The following NRG1 variants were observed in gnomAD, a reference collection of about 807,000 sequenced individuals.
NRG1 encodes the protein pro-neuregulin-1, membrane-bound isoform.
In NRG1, 18 loss-of-function variants were observed where a neutral mutation model predicts 63.8. The ratio of observed to expected loss-of-function variants is 0.28; its 90% confidence interval spans 0.19 to 0.42. NRG1 has a LOEUF of 0.42. NRG1 is among the 10% of genes least tolerant of loss of function. The pLI, the probability that NRG1 is intolerant of heterozygous loss-of-function variation, is 1.00. For synonymous variants in NRG1, 302 were observed against 301.3 expected (o/e 1.00, Z -0.02); for missense variants, 762 against 814.7 (o/e 0.94, Z 0.79).
rs191409181 is a variant in NRG1, at chr8:31,949,231, A to T, written c.37+309800A>T. On this transcript the variant is annotated intron_variant, in intron 1 of 10. Transcript: ENST00000519301. The stretch of plus-strand genomic sequence containing the variant: ...TTAGGTCTTATTATACCTATTTTGC[A>T]GATGAAGAAACTGTGACTTAGATGC... 1.1e-4 allele frequency among the ~76,000 whole-genome samples: 17 copies of T among 152,334 alleles called. No individual in the cohort carries two copies. In the East Asian group the frequency reaches 3.3e-3, roughly 29 times the overall value.
chr8:31,720,395 C>T (rs1233700548), intron 1 of NRG1, among the ~76,000 whole-genome samples: 2 of 152,138 alleles, frequency 1.3e-5, no homozygotes, highest in Non-Finnish European at 2.9e-5. Context: ...ACATGTGTCA[C>T]GGTAGATTGC....
At chr8:31,891,232 A>G (rs1367230227) in intron 1 of NRG1, among the ~76,000 whole-genome samples, 1 of 152,180 alleles carries the variant, frequency 6.6e-6, no homozygotes, top group South Asian at 2.1e-4. Flanking sequence ...ATTGGGAGAA[A>G]ATGTTTACAA....
At chr8:32,119,460 C>T (rs1248955649) in intron 1 of NRG1, among the ~76,000 whole-genome samples, 3 of 152,100 alleles carry the variant, frequency 2.0e-5, no homozygotes, top group Non-Finnish European at 4.4e-5. Flanking sequence ...TAAAGGCAAT[C>T]CATCTTCTAA....
chr8:32,433,186 A>G (rs1402703192), intron 1 of NRG1, among the ~76,000 whole-genome samples: 3 of 152,178 alleles, frequency 2.0e-5, no homozygotes, highest in South Asian at 4.1e-4. Flanking sequence ...GTGTTTGAGA[A>G]CTAGGCAGCA....
At chr8:32,143,647 T>C (rs1836540260) in intron 1 of NRG1, among the ~76,000 whole-genome samples, 1 of 152,184 alleles carries the variant, frequency 6.6e-6, no homozygotes, top group Non-Finnish European at 1.5e-5. Context: ...GGTGATGAAA[T>C]GTGAGAAGCA....
chr8:32,418,361 T>G (rs1816224314), intron 1 of NRG1, among the ~76,000 whole-genome samples: 1 of 151,324 alleles, frequency 6.6e-6, no homozygotes, highest in South Asian at 2.1e-4. Flanking sequence ...AATAATATAC[T>G]CTCTTTAACT....
chr8:32,174,980 A>G (rs1436426717), intron 1 of NRG1, among the ~76,000 whole-genome samples: 8 of 152,358 alleles, frequency 5.3e-5, no homozygotes, highest in Admixed American at 4.6e-4. Flanking sequence ...AACTCATTTT[A>G]TGAGGCCAGC....
intron 1 of NRG1, among the ~76,000 whole-genome samples, chr8:31,765,585 T>C (rs934958933): frequency 3.3e-5 from 5 of 152,340 alleles, no homozygotes; most frequent in Middle Eastern, 3.4e-3. Flanking sequence ...TGTGTAGTTT[T>C]CCAAACTTGG....
At chr8:31,727,684 A>T (rs1813586338) in intron 1 of NRG1, among the ~76,000 whole-genome samples, 1 of 152,176 alleles carries the variant, frequency 6.6e-6, no homozygotes, top group South Asian at 2.1e-4. Context: ...TGAATGGGGC[A>T]ATTATTCAAG....
intron 1 of NRG1, among the ~76,000 whole-genome samples, chr8:31,985,099 T>C (rs1368076965): frequency 1.3e-5 from 2 of 152,092 alleles, no homozygotes; most frequent in Non-Finnish European, 2.9e-5. Context: ...TATTCCTGTG[T>C]CAGAGAGTGT....
chr8:32,640,120 T>C (rs1025020718), intron 5 of NRG1, among the ~76,000 whole-genome samples: 3 of 152,218 alleles, frequency 2.0e-5, no homozygotes, highest in African/African-American at 7.2e-5. Context: ...ACAGCAAAGA[T>C]ATTTGCTCAA....
intron 1 of NRG1, among the ~76,000 whole-genome samples, chr8:32,538,986 T>C (rs1422711512): frequency 3.3e-5 from 5 of 152,084 alleles, no homozygotes; most frequent in Admixed American, 3.3e-4. Context: ...TTGAGTTGGG[T>C]CTGGAAGAAT....
At chr8:32,493,649 G>A (rs1430739772) in intron 1 of NRG1, among the ~76,000 whole-genome samples, 1 of 152,166 alleles carries the variant, frequency 6.6e-6, no homozygotes, top group African/African-American at 2.4e-5. Flanking sequence ...GTACATTAAA[G>A]GAGATTGTTA....
rs7820530 is a variant in NRG1, at chr8:32,317,256, G to A, written c.38-278572G>A. The stretch of plus-strand genomic sequence containing the variant: ...TTGCTTTTGAAGCATCTCTGCTTAC[G>A]AGTCCATAGGAAATAAATTACATTT... On this transcript the variant is annotated intron_variant, in intron 1 of 10. Transcript: ENST00000519301. 4.9e-3 allele frequency among the ~76,000 whole-genome samples: 750 copies of A among 152,272 alleles called. 6 individuals are homozygous for A. The highest frequency in any genetic ancestry group is 4.9e-3 in the Non-Finnish European group (336 of 68,022).
At chr8:32,004,852 G>T (rs913829991) in intron 1 of NRG1, among the ~76,000 whole-genome samples, 1 of 151,738 alleles carries the variant, frequency 6.6e-6, no homozygotes, top group Non-Finnish European at 1.5e-5. Context: ...AGGCAAAAAT[G>T]TACTAGGATA....
At chr8:31,805,733 CAGG>C (rs1822205980) in intron 1 of NRG1, among the ~76,000 whole-genome samples, 1 of 146,114 alleles carries the variant, frequency 6.8e-6, no homozygotes, top group African/African-American at 2.5e-5. Flanking sequence ...GAGTCTGAGG[CAGG>C]AGAATGGCAT....
chr8:31,744,151 A>C (rs62506958), intron 1 of NRG1, among the ~76,000 whole-genome samples: 1 of 151,746 alleles, frequency 6.6e-6, no homozygotes, highest in African/African-American at 2.4e-5. Context: ...GCATGATGGT[A>C]TTCTGAGCCT....
intron 1 of NRG1, among the ~76,000 whole-genome samples, chr8:32,181,124 G>A (rs1841389240): frequency 6.6e-6 from 1 of 152,168 alleles, no homozygotes; most frequent in Non-Finnish European, 1.5e-5. Context: ...TTTTCAGAAA[G>A]AAGAAATGTG....
At chr8:31,867,987 C>T (rs1829113598) in intron 1 of NRG1, among the ~76,000 whole-genome samples, 1 of 151,974 alleles carries the variant, frequency 6.6e-6, no homozygotes, top group South Asian at 2.1e-4. Flanking sequence ...TAAGATATTG[C>T]CTGAAATGAC....
Sources: allele counts gnomAD v4.1 joint callset (sites outside exome capture counted in the v4.1 genomes callset), GRCh38; gene constraint gnomAD v4.1.1; transcripts MANE v1.5; gene names NCBI Gene and HGNC (gene_info 2026-07-23, HGNC 2026-07-21).